The following DCHS2 variants were observed in gnomAD, a reference collection of about 807,000 sequenced individuals.
The protein encoded by DCHS2 is dachsous cadherin-related 2.
DCHS2 carries 142 observed loss-of-function variants against 182.4 expected under a neutral mutation model. That is an observed-to-expected ratio of 0.78 (90% CI 0.68 to 0.89). The LOEUF is 0.89. Ranked by LOEUF, DCHS2 falls within the 40% of genes least tolerant of loss-of-function variation. The probability of loss-of-function intolerance (pLI) is 0.00; values close to 1 mark genes in which losing one functional copy is unlikely to be tolerated. For missense variants in DCHS2, 4,319 were observed against 4,198.6 expected (o/e 1.03, Z -0.79); for synonymous variants, 1,740 against 1,663.3 (o/e 1.05, Z -1.12).
chr4:154,323,457 A>C, intron 7 of DCHS2: 2 of 1,338,164 alleles, frequency 1.5e-6, no homozygotes, highest in Non-Finnish European at 2.0e-6. Flanking sequence ...GGCCTCCCAG[A>C]TAGCTGGGAC....
intron 1 of DCHS2, among the ~76,000 whole-genome samples, chr4:154,410,973 C>T (rs375052009): frequency 9.9e-5 from 15 of 152,238 alleles, no homozygotes; most frequent in Middle Eastern, 3.4e-3. Flanking sequence ...AGATGTTATA[C>T]GCAAAATGCT....
At chr4:154,375,578 A>G (rs1385531038) in intron 2 of DCHS2, among the ~76,000 whole-genome samples, 1 of 152,180 alleles carries the variant, frequency 6.6e-6, no homozygotes, top group Non-Finnish European at 1.5e-5. Flanking sequence ...AACATGAAAA[A>G]AAACCTCATT....
chr4:154,304,583 C>A, intron 12 of DCHS2, 86 bp downstream of exon 12: 2 of 1,252,966 alleles, frequency 1.6e-6, no homozygotes, highest in Non-Finnish European at 2.2e-6. Context: ...AGTGAGCCAT[C>A]GCGCCACTGC....
intron 13 of DCHS2, among the ~76,000 whole-genome samples, chr4:154,273,215 G>A (rs532378312): frequency 3.3e-5 from 5 of 152,140 alleles, no homozygotes; most frequent in East Asian, 3.9e-4. Flanking sequence ...ATCAATCATC[G>A]AGTAGATTAA....
intron 14 of DCHS2, among the ~76,000 whole-genome samples, chr4:154,267,455 A>G (rs1733337617): frequency 6.6e-6 from 1 of 152,152 alleles, no homozygotes; most frequent in Non-Finnish European, 1.5e-5. Flanking sequence ...TTCTGGAATG[A>G]AGCACTGGTG....
chr4:154,294,738 T>C (rs1452620515), intron 13 of DCHS2, among the ~76,000 whole-genome samples: 1 of 152,160 alleles, frequency 6.6e-6, no homozygotes, highest in Non-Finnish European at 1.5e-5. Context: ...ACAGAGGTGT[T>C]AAAACACCAA....
At chr4:154,258,367 C>CTTTTTTTTTTTTT (rs771510956) in intron 15 of DCHS2, among the ~76,000 whole-genome samples, 22 of 58,848 alleles carry the variant, frequency 3.7e-4, no homozygotes, top group South Asian at 9.2e-4. Context: ...AAAAGAAAGG[C>CTTTTTTTTTTTTT]TTTTTTTTTT....
chr4:154,485,426 T>C (rs765365676), intron 1 of DCHS2, among the ~76,000 whole-genome samples: 1 of 151,976 alleles, frequency 6.6e-6, no homozygotes, highest in Non-Finnish European at 1.5e-5. Flanking sequence ...TTTAGTACAG[T>C]GATGGGAGAA....
intron 1 of DCHS2, among the ~76,000 whole-genome samples, chr4:154,471,416 G>A (rs1041092874): frequency 6.6e-6 from 1 of 152,124 alleles, no homozygotes; most frequent in Non-Finnish European, 1.5e-5. Context: ...TGGTGTGAAA[G>A]GCTTCCCACT....
At chr4:154,331,041 T>C (rs1347913396) in intron 5 of DCHS2, among the ~76,000 whole-genome samples, 1 of 152,074 alleles carries the variant, frequency 6.6e-6, no homozygotes, top group East Asian at 1.9e-4. Flanking sequence ...CAAGTCCTGG[T>C]CACTTGTAGG....
chr4:154,490,936 G>A lies in DCHS2; in HGVS notation c.420C>T (p.Ser140=). The A allele has an allele frequency of 6.4e-7, 1 of 1,550,970 alleles. No homozygotes were observed. The stretch of plus-strand genomic sequence containing the variant: ...CGCCCAGCAGCGTGGCGGCGACGAA[G>A]CTGTAGTGGTCCCGCCGCTCGCGGT... The part of the protein sequence containing the change: ...RLDRERRDHY[S]FVAATLLGAV... The change falls in exon 1 of 20, where the codon AGC becomes AGT. Residue 140 remains serine (S), a synonymous_variant. Transcript: ENST00000357232.
chr4:154,418,255 CT>C (rs1399316128), intron 1 of DCHS2, among the ~76,000 whole-genome samples: 3 of 152,182 alleles, frequency 2.0e-5, no homozygotes, highest in African/African-American at 4.8e-5. Context: ...GAACCCGAGG[CT>C]CAGAAAACCC....
At chr4:154,292,669 A>G (rs987612558) in intron 13 of DCHS2, among the ~76,000 whole-genome samples, 5 of 152,140 alleles carry the variant, frequency 3.3e-5, no homozygotes, top group African/African-American at 9.7e-5. Flanking sequence ...TATTTCAGAC[A>G]TGCCTTCCTT....
Position 154,490,602 on chromosome 4 carries a change from G to T in DCHS2, c.754C>A (p.Arg252=). ...PLEPLDLVLL[R]RLDREEAAAH... ...GCCGCCTCCTCTCGGTCCAAGCGCC[G>T]CAGCAGCACCAGATCTAGAGGCTCC... Residue 252 remains arginine (R), a synonymous_variant, in exon 1 of 20, where the codon CGG becomes AGG. Coordinates refer to ENST00000357232, the MANE Select transcript of DCHS2 (RefSeq NM_001358235.2). 1 of 1,547,590 alleles carries T rather than the reference G, an allele frequency of 6.5e-7. No individual in the cohort carries two copies. Among genetic ancestry groups the T allele is most frequent in the Non-Finnish European group, 8.7e-7 (1 of 1,146,428 alleles).
chr4:154,278,537 A>G (rs1384650703), intron 13 of DCHS2, among the ~76,000 whole-genome samples: 1 of 152,080 alleles, frequency 6.6e-6, no homozygotes, highest in African/African-American at 2.4e-5. Context: ...AGGACTATAC[A>G]TAGGATAAAT....
rs532858436 is a variant in DCHS2, at chr4:154,350,360, C to T, written c.2477-15256G>A. On this transcript the variant is annotated intron_variant, in intron 3 of 19. Coordinates refer to ENST00000357232, the MANE Select transcript of DCHS2 (RefSeq NM_001358235.2). ...AGCAAATCATTGGAAAATATCTCTG[C>T]AGAAAGGACTACATAATTAAAGAAC... Among the ~76,000 whole-genome samples the T allele has an allele frequency of 2.0e-5, 3 of 152,294 alleles. No individual in the cohort carries two copies. In the East Asian group the frequency reaches 5.8e-4, roughly 29 times the overall value.
intron 13 of DCHS2, among the ~76,000 whole-genome samples, chr4:154,280,339 T>C (rs555099096): frequency 6.6e-6 from 1 of 152,242 alleles, no homozygotes; most frequent in Non-Finnish European, 1.5e-5. Flanking sequence ...TTTCAAGAAA[T>C]TGAAGAGGAG....
Position 154,236,812 on chromosome 4 carries a change from C to T in DCHS2, c.7840G>A (p.Val2614Ile). The change falls in exon 20 of 20, where the codon GTC becomes ATC. Residue 2614 changes from valine to isoleucine, a missense_variant. Physicochemically the swap from Val to Ile is conservative, Grantham distance 29. Coordinates refer to ENST00000357232, the MANE Select transcript of DCHS2 (RefSeq NM_001358235.2). ...FFHSEYPYKQ[V>I]GYLVLLHSLD... ...CTGTGAAGCAACACAAGATAACCGA[C>T]TTGCTTATAAGGATATTCTGAATGA... 1 of 1,614,036 alleles carries T rather than the reference C, an allele frequency of 6.2e-7. No individual in the cohort carries two copies.
At position 154,266,888 on chromosome 4, in the gene DCHS2, C is replaced by T. The variant is rs570457335; in HGVS notation, c.6577+3012G>A. 4.3e-4 allele frequency among the ~76,000 whole-genome samples: 66 copies of T among 152,282 alleles called. 1 individual carries two copies. The highest frequency in any genetic ancestry group is 8.2e-4 in the Non-Finnish European group (56 of 68,024). ...TTGTCTTCCCTTTCTCTGTAGATGACTCAAAAATTTCTTCCTCATTTATTA... is the reference window on the plus strand; with the variant it reads ...TTGTCTTCCCTTTCTCTGTAGATGATTCAAAAATTTCTTCCTCATTTATTA... On this transcript the variant is annotated intron_variant, in intron 14 of 19. Transcript: ENST00000357232.
Sources: allele counts gnomAD v4.1 joint callset (sites outside exome capture counted in the v4.1 genomes callset), GRCh38; gene constraint gnomAD v4.1.1; transcripts MANE v1.5; gene names NCBI Gene and HGNC (gene_info 2026-07-23, HGNC 2026-07-21).